PIK3C2G: variants seen among roughly 807,000 people sequenced by gnomAD.
PIK3C2G encodes phosphatidylinositol-4-phosphate 3-kinase catalytic subunit type 2 gamma, also known as phosphatidylinositol 3-kinase C2 domain-containing subunit gamma.
In PIK3C2G, 168 loss-of-function variants were observed where a neutral mutation model predicts 181.1. That is an observed-to-expected ratio of 0.93 (90% CI 0.82 to 1.05). The LOEUF (loss-of-function observed/expected upper bound fraction) is 1.05, where lower values mean the gene tolerates loss of function less well. Ranked by LOEUF, PIK3C2G falls within the 50% of genes least tolerant of loss-of-function variation. PIK3C2G has a pLI of 0.00. For missense variants in PIK3C2G, 1,869 were observed against 1,732.8 expected, an observed-to-expected ratio of 1.08 and a Z score of -1.40; for synonymous variants, 573 against 592.2, an observed-to-expected ratio of 0.97 and a Z score of 0.47.
At chr12:18,519,429 G>T (rs1277240866) in intron 24 of PIK3C2G, among the ~76,000 whole-genome samples, 1 of 152,158 alleles carries the variant, frequency 6.6e-6, no homozygotes, top group African/African-American at 2.4e-5. Flanking sequence ...TATAAGAATA[G>T]TTAGCTCTTC....
chr12:18,500,650 T>C (rs976298061), intron 22 of PIK3C2G, among the ~76,000 whole-genome samples: 1 of 152,054 alleles, frequency 6.6e-6, no homozygotes, highest in Non-Finnish European at 1.5e-5. Flanking sequence ...ACCTCAGGGA[T>C]TGTAAATGCA....
intron 8 of PIK3C2G, among the ~76,000 whole-genome samples, chr12:18,331,924 G>C (rs568767254): frequency 6.6e-6 from 1 of 152,000 alleles, no homozygotes; most frequent in Non-Finnish European, 1.5e-5. Context: ...ACAAATGCAC[G>C]TATGGTTTTT....
intron 6 of PIK3C2G, among the ~76,000 whole-genome samples, chr12:18,320,304 G>A (rs1951049789): frequency 1.3e-5 from 2 of 152,104 alleles, no homozygotes; most frequent in Non-Finnish European, 2.9e-5. Flanking sequence ...CAGGAGAGCT[G>A]GTCAAGAAGT....
At chr12:18,575,290 C>T (rs1399320213) in intron 29 of PIK3C2G, among the ~76,000 whole-genome samples, 1 of 152,036 alleles carries the variant, frequency 6.6e-6, no homozygotes, top group Non-Finnish European at 1.5e-5. Context: ...AAATATTGGC[C>T]CTATCTAGAG....
chr12:18,353,252 G>A (rs563184511), intron 11 of PIK3C2G, among the ~76,000 whole-genome samples: 2 of 152,192 alleles, frequency 1.3e-5, no homozygotes, highest in East Asian at 1.9e-4. Flanking sequence ...TAGCAAAAGG[G>A]AGCCATTGTC....
At chr12:18,540,605 TG>T (rs1420439147) in intron 25 of PIK3C2G, among the ~76,000 whole-genome samples, 1 of 151,914 alleles carries the variant, frequency 6.6e-6, no homozygotes. Context: ...GAAGTAACTG[TG>T]GTATTTTATT....
At chr12:18,309,292 G>C (rs961827066) in intron 5 of PIK3C2G, among the ~76,000 whole-genome samples, 2 of 151,656 alleles carry the variant, frequency 1.3e-5, no homozygotes, top group African/African-American at 4.8e-5. Flanking sequence ...TCCAAATGTT[G>C]CCATACTTTA....
At chr12:18,568,008 A>G (rs1235572935) in intron 29 of PIK3C2G, among the ~76,000 whole-genome samples, 3 of 152,112 alleles carry the variant, frequency 2.0e-5, no homozygotes, top group African/African-American at 7.2e-5. Context: ...GTGTCATCAC[A>G]TCTTCTTTGG....
At chr12:18,653,601 GA>G in the PIK3C2G span, among the ~76,000 whole-genome samples, 1 of 152,116 alleles carries the variant, frequency 6.6e-6, no homozygotes, top group African/African-American at 2.4e-5. Context: ...ATGCTATTTT[GA>G]AGTGGTTTTA....
intron 11 of PIK3C2G, among the ~76,000 whole-genome samples, chr12:18,347,440 T>G (rs1939776524): frequency 6.6e-6 from 1 of 152,190 alleles, no homozygotes; most frequent in Non-Finnish European, 1.5e-5. Context: ...GATAAGATAG[T>G]AATTTGGTAA....
At chr12:18,559,819 TATAGAGAGAG>T (rs1239039200) in intron 26 of PIK3C2G, among the ~76,000 whole-genome samples, 12 of 19,926 alleles carry the variant, frequency 6.0e-4, no homozygotes, top group Non-Finnish European at 1.0e-3. Flanking sequence ...TATATATATA[TATAGAGAGAG>T]AGAGAGAGAG....
At position 18,282,224 on chromosome 12, in the gene PIK3C2G, G is replaced by A. The variant is rs1949250611; in HGVS notation, c.143G>A (p.Ser48Asn). ...TTTGATCAGATAGTAGATGAGATCAGTGGCAAAATTCCACACTACGAGAGT... is the reference window on the plus strand; with the variant it reads ...TTTGATCAGATAGTAGATGAGATCAATGGCAAAATTCCACACTACGAGAGT... ...LGFDQIVDEI[S>N]GKIPHYESEI... Residue 48 changes from serine (S) to asparagine (N), a missense_variant, in exon 2 of 33, where the codon AGT becomes AAT. Transcript: ENST00000538779. 3 of 1,613,500 alleles carry A rather than the reference G, an allele frequency of 1.9e-6. No homozygotes were observed. Among genetic ancestry groups the A allele is most frequent in the Middle Eastern group, 1.6e-4 (1 of 6,084 alleles).
intron 8 of PIK3C2G, among the ~76,000 whole-genome samples, chr12:18,331,567 C>T (rs183161519): frequency 1.3e-5 from 2 of 151,836 alleles, no homozygotes; most frequent in Non-Finnish European, 2.9e-5. Flanking sequence ...TTTTGGATTC[C>T]TTAGGATTTC....
chr12:18,650,704 G>GTGTATATCTATATATATATATATATATA (rs1950446696), downstream of PIK3C2G, among the ~76,000 whole-genome samples: 1 of 57,764 alleles, frequency 1.7e-5, no homozygotes, highest in Non-Finnish European at 4.0e-5. Context: ...GTGTGTGTGT[G>GTGTATATCTATATATATATATATATATA]TATATATCTA....
intron 16 of PIK3C2G, among the ~76,000 whole-genome samples, chr12:18,409,408 G>A (rs181820957): frequency 2.6e-4 from 39 of 152,166 alleles, no homozygotes; most frequent in Non-Finnish European, 5.0e-4. Flanking sequence ...GGAGTGTGGG[G>A]CTAGGGGAGG....
intron 25 of PIK3C2G, among the ~76,000 whole-genome samples, chr12:18,542,305 T>C (rs1299811050): frequency 6.6e-6 from 1 of 151,896 alleles, no homozygotes; most frequent in African/African-American, 2.4e-5. Flanking sequence ...ATCGGGAATG[T>C]GTCTTCCTAT....
chr12:18,581,697 G>C (rs542092846), intron 29 of PIK3C2G, among the ~76,000 whole-genome samples: 1 of 152,194 alleles, frequency 6.6e-6, no homozygotes, highest in African/African-American at 2.4e-5. Context: ...ACGTCAAGTA[G>C]GAAGGTGGAT....
chr12:18,526,667 A>G (rs1943252481), intron 24 of PIK3C2G, among the ~76,000 whole-genome samples: 1 of 151,962 alleles, frequency 6.6e-6, no homozygotes, highest in South Asian at 2.1e-4. Flanking sequence ...TTGTTTTTTA[A>G]CCTGATGGTT....
intron 29 of PIK3C2G, among the ~76,000 whole-genome samples, chr12:18,593,299 T>C (rs900801996): frequency 2.0e-5 from 3 of 151,856 alleles, no homozygotes; most frequent in Admixed American, 6.6e-5. Context: ...AATTCAACTA[T>C]GACAGAGGGA....
Sources: allele counts gnomAD v4.1 joint callset (sites outside exome capture counted in the v4.1 genomes callset), GRCh38; gene constraint gnomAD v4.1.1; transcripts MANE v1.5; gene names NCBI Gene and HGNC (gene_info 2026-07-23, HGNC 2026-07-21).